Variants in ARHGAP29 observed in about 807,000 individuals in gnomAD.
ARHGAP29 encodes the protein Rho GTPase activating protein 29.
ARHGAP29 carries 43 observed loss-of-function variants against 122.6 expected under a neutral mutation model. The ratio of observed to expected loss-of-function variants is 0.35; its 90% CI spans 0.27 to 0.45. ARHGAP29 has a LOEUF of 0.45. Ranked by LOEUF, ARHGAP29 falls within the 20% of genes least tolerant of loss-of-function variation. The pLI is 1.00. For missense variants in ARHGAP29, 1,303 were observed against 1,477.2 expected (o/e 0.88, Z 1.93); for synonymous variants, 506 against 497.1 (o/e 1.02, Z -0.24).
intron 12 of ARHGAP29, chr1:94,190,908 A>G (rs1650097147): frequency 6.6e-6 from 1 of 152,144 alleles, no homozygotes; most frequent in Non-Finnish European, 1.5e-5. Context: ...ATGACCAGGT[A>G]CGTGTTTGTG....
At chr1:94,280,714 C>T in the ARHGAP29 span, among the ~76,000 whole-genome samples, 8 of 152,286 alleles carry the variant, frequency 5.3e-5, no homozygotes, top group Non-Finnish European at 1.0e-4. Context: ...AGGGCAGGAA[C>T]GGTGAGTGAA....
At chr1:94,216,563 C>A (rs1398892376) in intron 3 of ARHGAP29, among the ~76,000 whole-genome samples, 1 of 152,118 alleles carries the variant, frequency 6.6e-6, no homozygotes, top group Non-Finnish European at 1.5e-5. Flanking sequence ...CCCTTTTATA[C>A]CATTTGGATT....
At chr1:94,185,600 A>C in intron 16 of ARHGAP29, 119 bp from the exon 17 acceptor site, 1 of 880,474 alleles carries the variant, frequency 1.1e-6, no homozygotes, top group Non-Finnish European at 1.6e-6. Context: ...AAAGCTTTGA[A>C]TCTCTAATAT....
At chr1:94,309,469 ACACT>A in the ARHGAP29 span, among the ~76,000 whole-genome samples, 1 of 152,218 alleles carries the variant, frequency 6.6e-6, no homozygotes, top group African/African-American at 2.4e-5. Flanking sequence ...CTCTGCTGTA[ACACT>A]CACAGCCGTT....
chr1:94,285,941 G>T, the ARHGAP29 span, among the ~76,000 whole-genome samples: 17 of 151,408 alleles, frequency 1.1e-4, no homozygotes, highest in Non-Finnish European at 2.4e-4. Context: ...TGGTGGAAAG[G>T]CAAGCACACA....
At chr1:94,209,412 C>A (rs1651439075) in intron 3 of ARHGAP29, 62 bp from the exon 4 acceptor site, 1 of 1,007,584 alleles carries the variant, frequency 9.9e-7, no homozygotes, top group South Asian at 1.7e-5. Flanking sequence ...TATACAGAAT[C>A]ATTTAATCCT....
chr1:94,209,018 A>C, intron 4 of ARHGAP29, 114 bp from the exon 5 acceptor site: 1 of 1,005,274 alleles, frequency 9.9e-7, no homozygotes, highest in Non-Finnish European at 1.5e-6. Flanking sequence ...TTAGAAATAA[A>C]CCCCTAGGAA....
chr1:94,292,040 A>G, the ARHGAP29 span, among the ~76,000 whole-genome samples: 2 of 152,190 alleles, frequency 1.3e-5, no homozygotes, highest in Non-Finnish European at 2.9e-5. Context: ...AATATCCTGA[A>G]GAGTGTTTTC....
chr1:94,177,826 T>C (rs769606667), intron 21 of ARHGAP29, 26 bp downstream of exon 21: 4 of 1,580,150 alleles, frequency 2.5e-6, no homozygotes, highest in East Asian at 4.5e-5. Flanking sequence ...AAAGTTCTAA[T>C]ATAATTCTAT....
intron 1 of ARHGAP29, among the ~76,000 whole-genome samples, chr1:94,267,591 A>G (rs1211912923): frequency 6.6e-6 from 1 of 151,298 alleles, no homozygotes; most frequent in Non-Finnish European, 1.5e-5. Flanking sequence ...CCTATGTTTA[A>G]TCTTCCATTT....
At position 94,178,066 on chromosome 1, in the gene ARHGAP29, G is replaced by C. The variant is rs755886644; in HGVS notation, c.2582C>G (p.Thr861Ser). ...IRPRPTTAPI[T>S]ISSLAEYSNQ... Reference sequence around the variant, plus strand: ...TGAATACTCTGCAAGGGAGGAGATGGTGATAGGAGCAGTTGTGGGCCTTGG... The same window carrying C: ...TGAATACTCTGCAAGGGAGGAGATGCTGATAGGAGCAGTTGTGGGCCTTGG... Residue 861 changes from threonine (T) to serine (S), a missense_variant, in exon 21 of 23, where the codon ACC (threonine) becomes AGC (serine). Physicochemically the swap from Thr to Ser is moderately conservative, Grantham distance 58. This residue lies in a region of ARHGAP29 where 620 missense variants were observed against 651.2 expected (regional missense o/e 0.95). Coordinates refer to ENST00000260526, the MANE Select transcript of ARHGAP29 (RefSeq NM_004815.4). 6.2e-7 allele frequency: 1 copy of C among 1,614,194 alleles called. No individual in the cohort carries two copies. The highest frequency in any genetic ancestry group is 1.1e-5 in the South Asian group (1 of 91,088).
At chr1:94,187,020 C>T (rs914461701) in intron 15 of ARHGAP29, among the ~76,000 whole-genome samples, 9 of 152,172 alleles carry the variant, frequency 5.9e-5, no homozygotes, top group Non-Finnish European at 2.9e-5. Flanking sequence ...CAAAAGCTTT[C>T]TACAACATAC....
At chr1:94,265,508 G>C (rs1280665657) in intron 1 of ARHGAP29, among the ~76,000 whole-genome samples, 1 of 152,172 alleles carries the variant, frequency 6.6e-6, no homozygotes, top group African/African-American at 2.4e-5. Flanking sequence ...CCTTTCCAGG[G>C]ACATACCTTG....
rs1648702081 is a variant in ARHGAP29 at position 94,170,975 on chromosome 1, A to G, written c.*2894T>C. On this transcript the variant is annotated 3_prime_UTR_variant, in exon 23 of 23. Transcript: ENST00000260526. ...GATTGTGAATGTAGCAAATTTGCTA[A>G]CTCCTAGATGTTAACTGAATAGTCT... is the stretch of plus-strand genomic sequence containing the variant. Among the ~76,000 whole-genome samples, 1 of 152,158 alleles carries G rather than the reference A, an allele frequency of 6.6e-6. No individual in the cohort carries two copies. The highest frequency in any genetic ancestry group is 2.1e-4 in the South Asian group (1 of 4,828).
At position 94,171,693 on chromosome 1, in the gene ARHGAP29, G is replaced by A. The variant is rs143547659; in HGVS notation, c.*2176C>T. 2.0e-5 allele frequency: 3 copies of A among 152,186 alleles called. No individual in the cohort carries two copies. Among genetic ancestry groups the A allele is most frequent in the East Asian group, 3.9e-4 (2 of 5,180 alleles). The allele number at this position is 152,186 out of a possible 1,614,324, so 9.4% of individuals were successfully genotyped here. On this transcript the variant is annotated 3_prime_UTR_variant, in exon 23 of 23. Transcript: ENST00000260526. ...AGCATCTAGAGGCTTAAGGCTCTAC[G>A]CTGGACAAAGTGCCAGGGAGCCCTA...
chr1:94,289,953 C>G, the ARHGAP29 span, among the ~76,000 whole-genome samples: 7 of 152,018 alleles, frequency 4.6e-5, no homozygotes, highest in Non-Finnish European at 1.0e-4. Flanking sequence ...CTAAAATTCT[C>G]TTTTTCATTG....
intron 19 of ARHGAP29, among the ~76,000 whole-genome samples, 168 bp from the exon 20 acceptor site, chr1:94,180,125 T>C (rs1379572235): frequency 5.9e-5 from 9 of 152,154 alleles, no homozygotes; most frequent in Non-Finnish European, 1.0e-4. Context: ...GTCTATAAAG[T>C]AAACCTAGAA....
chr1:94,229,752 G>A (rs1201049904), intron 2 of ARHGAP29, among the ~76,000 whole-genome samples: 3 of 151,236 alleles, frequency 2.0e-5, no homozygotes, highest in Non-Finnish European at 4.4e-5. Context: ...TTCTCACTTA[G>A]GGTCAACTTT....
At chr1:94,232,981 A>T (rs371296087) in intron 1 of ARHGAP29, among the ~76,000 whole-genome samples, 1 of 148,666 alleles carries the variant, frequency 6.7e-6, no homozygotes, top group African/African-American at 2.5e-5. Context: ...GTCTCACGCT[A>T]TCACCCAGGT....
Sources: gnomAD v4.1 joint callset for allele counts (sites outside exome capture counted in the v4.1 genomes callset) on GRCh38, gnomAD v4.1.1 for gene constraint, gnomAD v4.1.1 regional missense constraint, MANE v1.5 for transcripts, NCBI Gene and HGNC (gene_info 2026-07-23, HGNC 2026-07-21) for gene names.